Variants in DNAJC5B observed in about 807,000 individuals in gnomAD.
DNAJC5B encodes DnaJ heat shock protein family (Hsp40) member C5 beta.
DNAJC5B carries 23 observed loss-of-function variants against 24.7 expected under a neutral mutation model. The observed-to-expected ratio is 0.93, with a 90% CI of 0.67 to 1.32. The LOEUF (loss-of-function observed/expected upper bound fraction) is 1.32. DNAJC5B is among the 40% of genes most tolerant of loss of function. The pLI is 0.00. For synonymous variants in DNAJC5B, 101 were observed against 90.1 expected (o/e 1.12, Z -0.68); for missense variants, 238 against 240.8 (o/e 0.99, Z 0.08).
intron 3 of DNAJC5B, among the ~76,000 whole-genome samples, chr8:66,060,038 T>TA (rs1436244868): frequency 1.3e-5 from 2 of 152,236 alleles, no homozygotes; most frequent in African/African-American, 4.8e-5. Context: ...GCATAGTGGA[T>TA]GGCTCCTTTC....
chr8:66,051,108 C>T (rs987705328), intron 2 of DNAJC5B, among the ~76,000 whole-genome samples: 1 of 152,152 alleles, frequency 6.6e-6, no homozygotes, highest in African/African-American at 2.4e-5. Flanking sequence ...TGGACAACAT[C>T]CCCCAGCCAC....
At chr8:66,096,503 T>C (rs1382924133) in intron 5 of DNAJC5B, among the ~76,000 whole-genome samples, 1 of 152,202 alleles carries the variant, frequency 6.6e-6, no homozygotes, top group Non-Finnish European at 1.5e-5. Flanking sequence ...TCTATTTCTC[T>C]ATAAAGTTCT....
At chr8:66,033,589 C>T (rs1022471210) in intron 1 of DNAJC5B, among the ~76,000 whole-genome samples, 1 of 152,016 alleles carries the variant, frequency 6.6e-6, no homozygotes, top group Admixed American at 6.6e-5. Context: ...CAGATCAGAC[C>T]CTTGCTCTGC....
rs1372182777 is a variant in DNAJC5B at position 66,051,620 on chromosome 8, G to C, written c.73G>C (p.Gly25Arg). Reference protein sequence around the residue: ...TTGEALYEILGLHKGASNEEI... With the variant: ...TTGEALYEILRLHKGASNEEI... Reference sequence around the variant, plus strand: ...AGGAGAAGCTCTATACGAAATTCTTGGTCTGCATAAGGGAGCATCAAATGA... The same window carrying C: ...AGGAGAAGCTCTATACGAAATTCTTCGTCTGCATAAGGGAGCATCAAATGA... The change falls in exon 3 of 6, where the codon GGT (glycine) becomes CGT (arginine). Residue 25 changes from glycine to arginine, a missense_variant. Physicochemically the swap from Gly to Arg is moderately radical, Grantham distance 125. Transcript: ENST00000276570. 1.2e-6 allele frequency: 2 copies of C among 1,614,044 alleles called. No homozygotes were observed. Among genetic ancestry groups the C allele is most frequent in the South Asian group, 1.1e-5 (1 of 91,068 alleles).
At chr8:66,035,053 TTAG>T (rs1461556215) in intron 1 of DNAJC5B, among the ~76,000 whole-genome samples, 15 of 152,188 alleles carry the variant, frequency 9.9e-5, no homozygotes, top group African/African-American at 3.6e-4. Context: ...AAGGGCATGG[TTAG>T]TATCAATGAA....
intron 5 of DNAJC5B, among the ~76,000 whole-genome samples, chr8:66,098,947 G>A (rs1175024882): frequency 6.6e-6 from 1 of 151,578 alleles, no homozygotes; most frequent in Non-Finnish European, 1.5e-5. Context: ...TTGGATCTTA[G>A]CATGCATTGT....
chr8:66,095,426 C>A (rs867196343), intron 5 of DNAJC5B, among the ~76,000 whole-genome samples: 3 of 150,982 alleles, frequency 2.0e-5, no homozygotes, highest in Middle Eastern at 3.2e-3. Context: ...TTTTTTTTAA[C>A]CATTCTCACC....
chr8:66,094,783 T>C (rs371063420), intron 5 of DNAJC5B, among the ~76,000 whole-genome samples: 2 of 152,122 alleles, frequency 1.3e-5, no homozygotes, highest in African/African-American at 2.4e-5. Context: ...AATTGTCTTC[T>C]ATTCCTATTT....
At chr8:66,045,683 T>G (rs1806708012) in intron 2 of DNAJC5B, among the ~76,000 whole-genome samples, 1 of 152,144 alleles carries the variant, frequency 6.6e-6, no homozygotes. Context: ...GAGCAGCCCC[T>G]GCCTGAGCCC....
chr8:66,051,796 T>C, intron 3 of DNAJC5B, 130 bp downstream of exon 3: 1 of 693,650 alleles, frequency 1.4e-6, no homozygotes, highest in Non-Finnish European at 2.5e-6. Context: ...TGTTCCCTGC[T>C]CTACAACATA....
At chr8:66,027,065 C>T (rs1221739719) in intron 1 of DNAJC5B, among the ~76,000 whole-genome samples, 2 of 152,192 alleles carry the variant, frequency 1.3e-5, no homozygotes, top group African/African-American at 2.4e-5. Context: ...AGCCACTCCT[C>T]GTCCTCCTCC....
At chr8:66,076,197 AAG>A (rs1807457598) in intron 3 of DNAJC5B, among the ~76,000 whole-genome samples, 1 of 152,222 alleles carries the variant, frequency 6.6e-6, no homozygotes, top group African/African-American at 2.4e-5. Context: ...AATTTTGTTC[AAG>A]AGAGACTTTT....
chr8:66,081,574 G>A (rs1807597223), intron 5 of DNAJC5B, among the ~76,000 whole-genome samples: 1 of 152,172 alleles, frequency 6.6e-6, no homozygotes, highest in Admixed American at 6.5e-5. Context: ...AAGCACTGGA[G>A]ACTAGTTAAA....
Position 66,100,120 on chromosome 8 carries a change from C to CACTTTA in DNAJC5B, c.*89_*90insACTTTA. The stretch of plus-strand genomic sequence containing the variant: ...AGGGGAGCGTGTGGGGCATAAAGTG[C>CACTTTA]TGTGAACTTTTCCATCTTGTTGTTT... On this transcript the variant is annotated 3_prime_UTR_variant, in exon 6 of 6. Coordinates refer to ENST00000276570, the MANE Select transcript of DNAJC5B (RefSeq NM_033105.6). The CACTTTA allele has an allele frequency of 1.8e-6, 2 of 1,089,020 alleles. No homozygotes were observed. Among genetic ancestry groups the CACTTTA allele is most frequent in the Non-Finnish European group, 2.6e-6 (2 of 772,548 alleles). 67.5% of individuals were successfully genotyped at this position (1,089,020 alleles called of 1,614,324 possible).
intron 3 of DNAJC5B, among the ~76,000 whole-genome samples, chr8:66,066,187 T>A (rs1807189047): frequency 6.6e-6 from 1 of 152,190 alleles, no homozygotes; most frequent in Admixed American, 6.5e-5. Context: ...AGGTATCGCC[T>A]TACTCCTGCA....
In DNAJC5B at chr8:66,071,751, G is replaced by A. The variant is rs187943468; in HGVS notation, c.120-4909G>A. On this transcript the variant is annotated intron_variant, in intron 3 of 5. Transcript: ENST00000276570. ...TTCTACTATAAAGACACATGCACACGTAAGTTTATTGCAGCACTATGCACA... is the reference window on the plus strand; with the variant it reads ...TTCTACTATAAAGACACATGCACACATAAGTTTATTGCAGCACTATGCACA... 1.8e-4 allele frequency among the ~76,000 whole-genome samples: 28 copies of A among 152,190 alleles called. No individual in the cohort carries two copies. In the East Asian group the frequency reaches 4.1e-3, roughly 22 times the overall value.
intron 2 of DNAJC5B, among the ~76,000 whole-genome samples, chr8:66,050,619 G>A (rs1220871133): frequency 6.6e-6 from 1 of 152,196 alleles, no homozygotes; most frequent in East Asian, 1.9e-4. Flanking sequence ...ATCAGGTAAG[G>A]CCGAGGCAGG....
At chr8:66,015,824 G>A in the DNAJC5B span, among the ~76,000 whole-genome samples, 3 of 152,156 alleles carry the variant, frequency 2.0e-5, no homozygotes, top group Non-Finnish European at 4.4e-5. Context: ...TTGCGGAGGA[G>A]ATGAGGCTCA....
At chr8:66,060,528 G>T (rs971338462) in intron 3 of DNAJC5B, among the ~76,000 whole-genome samples, 1 of 152,202 alleles carries the variant, frequency 6.6e-6, no homozygotes, top group Non-Finnish European at 1.5e-5. Flanking sequence ...CAGCCCTACC[G>T]TATTCCTGCA....
Sources: gnomAD v4.1 joint callset for allele counts (sites outside exome capture counted in the v4.1 genomes callset) on GRCh38, gnomAD v4.1.1 for gene constraint, MANE v1.5 for transcripts, NCBI Gene and HGNC (gene_info 2026-07-23, HGNC 2026-07-21) for gene names.